Variants in GRID2 observed in about 807,000 individuals in gnomAD.
GRID2 encodes the protein glutamate receptor ionotropic, delta-2.
A neutral mutation model predicts 114.8 loss-of-function variants in GRID2; 33 were observed. The ratio of observed to expected loss-of-function variants is 0.29; its 90% CI spans 0.22 to 0.38. GRID2 has a LOEUF of 0.38. GRID2 is among the 10% of genes least tolerant of loss of function. The pLI, the probability that GRID2 is intolerant of heterozygous loss-of-function variation, is 1.00. For missense variants in GRID2, 1,184 were observed against 1,257.7 expected, an observed-to-expected ratio of 0.94 and a Z score of 0.89; for synonymous variants, 505 against 449.9, an observed-to-expected ratio of 1.12 and a Z score of -1.55.
chr4:93,513,755 TTGC>T (rs770745099), intron 12 of GRID2, among the ~76,000 whole-genome samples: 8 of 152,278 alleles, frequency 5.3e-5, no homozygotes, highest in Admixed American at 1.3e-4. Context: ...AGATAAAAGT[TTGC>T]TGAAAGTTAC....
chr4:92,656,631 T>C (rs1353077604), intron 2 of GRID2, among the ~76,000 whole-genome samples: 2 of 151,752 alleles, frequency 1.3e-5, no homozygotes, highest in African/African-American at 4.8e-5. Flanking sequence ...AAAGTAGTTC[T>C]AATACCACAT....
intron 2 of GRID2, among the ~76,000 whole-genome samples, chr4:92,670,076 T>C (rs907607510): frequency 3.3e-5 from 5 of 151,982 alleles, no homozygotes; most frequent in African/African-American, 1.2e-4. Context: ...TGTAAAATAA[T>C]GTGAATAACA....
At chr4:93,265,070 C>T (rs541316639) in intron 8 of GRID2, among the ~76,000 whole-genome samples, 2 of 151,900 alleles carry the variant, frequency 1.3e-5, no homozygotes, top group African/African-American at 2.4e-5. Flanking sequence ...CATGAGCCAC[C>T]GCGCCTGGCC....
chr4:93,382,241 G>C lies in GRID2; in HGVS notation c.1246-13366G>C, dbSNP rs1250572072. Among the ~76,000 whole-genome samples, 4 of 151,850 alleles carry C rather than the reference G, an allele frequency of 2.6e-5. No homozygotes were observed. In the East Asian group the frequency reaches 7.7e-4, roughly 29 times the overall value. ...TGGATCTCTGAGCTCATTGTATTTAGAGTTTACTGAGCTTCTTAAATGTTT... is the reference window on the plus strand; with the variant it reads ...TGGATCTCTGAGCTCATTGTATTTACAGTTTACTGAGCTTCTTAAATGTTT... On this transcript the variant is annotated intron_variant, in intron 8 of 15. Coordinates refer to ENST00000282020, the MANE Select transcript of GRID2 (RefSeq NM_001510.4).
chr4:92,961,059 T>C (rs1170160949), intron 2 of GRID2, among the ~76,000 whole-genome samples: 1 of 151,870 alleles, frequency 6.6e-6, no homozygotes, highest in African/African-American at 2.4e-5. Context: ...AAATAATACT[T>C]AATATTTCTA....
At chr4:92,753,967 T>C (rs1737584249) in intron 2 of GRID2, among the ~76,000 whole-genome samples, 1 of 152,222 alleles carries the variant, frequency 6.6e-6, no homozygotes, top group Admixed American at 6.5e-5. Context: ...AATAGCTATA[T>C]ATGACAATAT....
intron 8 of GRID2, among the ~76,000 whole-genome samples, chr4:93,367,342 G>A (rs1560545231): frequency 6.6e-6 from 1 of 151,394 alleles, no homozygotes; most frequent in Non-Finnish European, 1.5e-5. Flanking sequence ...AAATTTAGTT[G>A]CCTCTCTCCT....
chr4:93,669,755 A>C (rs1417023509), intron 14 of GRID2, among the ~76,000 whole-genome samples: 1 of 152,148 alleles, frequency 6.6e-6, no homozygotes, highest in Non-Finnish European at 1.5e-5. Context: ...ATATAGGTAC[A>C]GTTTGAAAAA....
chr4:93,076,518 T>A (rs1355743266), intron 2 of GRID2, among the ~76,000 whole-genome samples: 1 of 152,008 alleles, frequency 6.6e-6, no homozygotes, highest in Non-Finnish European at 1.5e-5. Flanking sequence ...TAACATCTTA[T>A]ATAATGAAAG....
intron 1 of GRID2, among the ~76,000 whole-genome samples, chr4:92,469,997 T>A (rs2149094783): frequency 6.6e-6 from 1 of 152,032 alleles, no homozygotes; most frequent in East Asian, 1.9e-4. Context: ...AGTTATCCTA[T>A]ACAGACATGA....
chr4:93,408,206 G>A (rs562103682), intron 9 of GRID2, among the ~76,000 whole-genome samples: 15 of 152,168 alleles, frequency 9.9e-5, no homozygotes, highest in Admixed American at 1.3e-4. Context: ...AAAACAAAGC[G>A]TTTGAAAATT....
intron 13 of GRID2, among the ~76,000 whole-genome samples, chr4:93,583,169 C>T (rs1458135694): frequency 1.3e-5 from 2 of 152,184 alleles, no homozygotes; most frequent in South Asian, 2.1e-4. Context: ...TCATCCTAAT[C>T]TTCATCCAGA....
At chr4:92,694,322 C>T (rs536512585) in intron 2 of GRID2, among the ~76,000 whole-genome samples, 2 of 152,210 alleles carry the variant, frequency 1.3e-5, no homozygotes, top group East Asian at 1.9e-4. Flanking sequence ...TTGAGGTCTC[C>T]TGAGCCTGCT....
At chr4:93,714,808 T>A (rs1728771459) in intron 14 of GRID2, among the ~76,000 whole-genome samples, 1 of 152,218 alleles carries the variant, frequency 6.6e-6, no homozygotes, top group Non-Finnish European at 1.5e-5. Flanking sequence ...GTGTTTAAGT[T>A]CCTTGTAGAC....
intron 11 of GRID2, among the ~76,000 whole-genome samples, chr4:93,464,650 T>G (rs559579419): frequency 6.6e-6 from 1 of 152,310 alleles, no homozygotes; most frequent in South Asian, 2.1e-4. Context: ...ATTATATATA[T>G]CAATGTCACT....
intron 13 of GRID2, among the ~76,000 whole-genome samples, chr4:93,536,647 CT>C (rs200767918): frequency 0.017 from 1,138 of 68,160 alleles, 8 homozygotes; most frequent in South Asian, 0.042. Flanking sequence ...TTTTTGACTT[CT>C]TTTTTTTTTT....
chr4:93,431,786 G>C (rs1769436691), intron 10 of GRID2, among the ~76,000 whole-genome samples: 1 of 151,838 alleles, frequency 6.6e-6, no homozygotes, highest in Non-Finnish European at 1.5e-5. Context: ...AGCTAAGGAA[G>C]AAAAAGAAAG....
chr4:93,802,482 C>A lies in GRID2; in HGVS notation c.222-4233C>A, dbSNP rs190514416. ...CAGATTTCATGAGGTGTTACTAGTA[C>A]CTCACAAGAATTAAAAAAGAAAACA... is the stretch of plus-strand genomic sequence containing the variant. On this transcript the variant is annotated intron_variant, in intron 1 of 1. Coordinates refer to the GRID2 transcript ENST00000637838. 2.6e-5 allele frequency among the ~76,000 whole-genome samples: 4 copies of A among 152,148 alleles called. No individual in the cohort carries two copies. The East Asian group carries it at 7.7e-4, about 29-fold the overall frequency.
At chr4:92,868,976 A>G (rs1578349627) in intron 2 of GRID2, among the ~76,000 whole-genome samples, 1 of 152,182 alleles carries the variant, frequency 6.6e-6, no homozygotes, top group Non-Finnish European at 1.5e-5. Flanking sequence ...TGTCTATGAC[A>G]TCTAAATTAC....
Sources: gnomAD v4.1 joint callset for allele counts (sites outside exome capture counted in the v4.1 genomes callset) on GRCh38, gnomAD v4.1.1 for gene constraint, MANE v1.5 for transcripts, NCBI Gene and HGNC (gene_info 2026-07-23, HGNC 2026-07-21) for gene names.